Variants in NCKAP1 observed in about 807,000 individuals in gnomAD.
NCKAP1 encodes the protein NCK associated protein 1.
Under a neutral mutation model 151.2 loss-of-function variants are expected in NCKAP1, and 21 were observed. That is an observed-to-expected ratio of 0.14 (90% CI 0.10 to 0.20). The LOEUF (loss-of-function observed/expected upper bound fraction) is 0.20. Ranked by LOEUF, NCKAP1 falls within the 10% of genes least tolerant of loss-of-function variation. The probability of loss-of-function intolerance (pLI) is 1.00; values close to 1 mark genes in which losing one functional copy is unlikely to be tolerated. For synonymous variants in NCKAP1, 484 were observed against 451.8 expected, an observed-to-expected ratio of 1.07 and a Z score of -0.90; for missense variants, 933 against 1,352.1, an observed-to-expected ratio of 0.69 and a Z score of 4.86.
At chr2:182,941,534 T>G (rs2105810946) in intron 24 of NCKAP1, among the ~76,000 whole-genome samples, 1 of 152,352 alleles carries the variant, frequency 6.6e-6, no homozygotes, top group East Asian at 1.9e-4. Context: ...AGTGGTTGTT[T>G]GGCCTGGGGC....
Position 182,982,840 on chromosome 2 carries a change from C to T in NCKAP1, c.1189G>A (p.Ala397Thr). The change falls in exon 12 of 31, where the codon GCA becomes ACA. Residue 397 changes from alanine (A) to threonine (T), a missense_variant. By Grantham distance (58) the Ala-to-Thr change is moderately conservative (BLOSUM62 0). Around this residue, in one of 2 missense-constraint regions of NCKAP1, gnomAD observed 607 missense variants for 795.0 expected, o/e 0.76. Transcript: ENST00000361354. ...ACTTACTTATCTATAAAGTCGTCTG[C>T]ACTCTTCTTTGGCATGTTATCTGCA... is the stretch of plus-strand genomic sequence containing the variant. ...RHADNMPKKS[A>T]DDFIDKHIAE... 1 of 1,608,056 alleles carries T rather than the reference C, an allele frequency of 6.2e-7. No individual in the cohort carries two copies. The highest frequency in any genetic ancestry group is 8.5e-7 in the Non-Finnish European group (1 of 1,177,262).
At chr2:182,992,103 A>T (rs1049579099) in intron 8 of NCKAP1, among the ~76,000 whole-genome samples, 4 of 152,312 alleles carry the variant, frequency 2.6e-5, no homozygotes, top group African/African-American at 9.6e-5. Context: ...CTGCACATCT[A>T]AGAAGTTCCT....
chr2:183,036,143 T>C (rs530234839), intron 1 of NCKAP1, among the ~76,000 whole-genome samples: 25 of 152,318 alleles, frequency 1.6e-4, no homozygotes, highest in Middle Eastern at 6.8e-3. Flanking sequence ...AACAGTGCTT[T>C]TGAGAAAAGG....
At chr2:182,986,728 C>T (rs1698064535) in intron 9 of NCKAP1, among the ~76,000 whole-genome samples, 3 of 151,688 alleles carry the variant, frequency 2.0e-5, no homozygotes, top group Admixed American at 1.3e-4. Flanking sequence ...AAGCATTTGC[C>T]GACTTCAAAT....
intron 2 of NCKAP1, among the ~76,000 whole-genome samples, chr2:183,019,262 CA>C (rs1328086121): frequency 6.6e-6 from 1 of 151,804 alleles, no homozygotes; most frequent in Non-Finnish European, 1.5e-5. Flanking sequence ...AGGCTAATTC[CA>C]TAATAACACT....
At chr2:182,926,571 T>C (rs1429556782) in intron 30 of NCKAP1, among the ~76,000 whole-genome samples, 3 of 151,982 alleles carry the variant, frequency 2.0e-5, no homozygotes, top group Admixed American at 6.6e-5. Context: ...TTCCAACAGG[T>C]TGAAAAACTG....
Position 183,038,101 on chromosome 2 carries a change from G to A in NCKAP1, c.-2C>T, listed in dbSNP as rs1699141785. The A allele has an allele frequency of 1.3e-6, 2 of 1,555,410 alleles. No individual in the cohort carries two copies. Among genetic ancestry groups the A allele is most frequent in the Non-Finnish European group, 8.6e-7 (1 of 1,161,046 alleles). ...GGGCTGCAGCACTGAGCGCGACATG[G>A]TGGTGCTGGTGCCGCCGCCGCCGCC... is the stretch of plus-strand genomic sequence containing the variant. On this transcript the variant is annotated 5_prime_UTR_variant, in exon 1 of 31. Transcript: ENST00000361354.
chr2:183,000,873 G>A (rs1698361929), intron 6 of NCKAP1, among the ~76,000 whole-genome samples: 1 of 152,078 alleles, frequency 6.6e-6, no homozygotes, highest in Non-Finnish European at 1.5e-5. Context: ...TGGGTGGATT[G>A]CCTGAGCTCA....
At chr2:182,995,878 T>C in intron 6 of NCKAP1, 40 bp from the exon 7 acceptor site, 1 of 1,543,740 alleles carries the variant, frequency 6.5e-7, no homozygotes, top group Non-Finnish European at 8.9e-7. Context: ...AATAATTTTC[T>C]TTCCTTTTCT....
chr2:183,015,880 A>T (rs1028895766), intron 2 of NCKAP1, among the ~76,000 whole-genome samples: 2 of 148,008 alleles, frequency 1.4e-5, no homozygotes, highest in Non-Finnish European at 3.0e-5. Context: ...TGAGGATATA[A>T]AAAAAAAAAA....
intron 23 of NCKAP1, among the ~76,000 whole-genome samples, chr2:182,946,344 G>A (rs1306959209): frequency 3.3e-5 from 5 of 152,052 alleles, no homozygotes; most frequent in African/African-American, 7.3e-5. Flanking sequence ...AGCTTGCAGT[G>A]AGCCGAGATC....
At chr2:182,995,425 T>A (rs1484541731) in intron 7 of NCKAP1, among the ~76,000 whole-genome samples, 1 of 152,208 alleles carries the variant, frequency 6.6e-6, no homozygotes. Flanking sequence ...TTTTGCTTTA[T>A]ACTTCAAATT....
rs1438248777 is a variant in NCKAP1 at position 182,917,155 on chromosome 2, G to T, written c.*8547C>A. 6.6e-6 allele frequency: 1 copy of T among 152,134 alleles called. No homozygotes were observed. The highest frequency in any genetic ancestry group is 1.9e-4 in the East Asian group (1 of 5,196). 9.4% of individuals were successfully genotyped at this position (152,134 alleles called of 1,614,324 possible). A position where few individuals can be genotyped will look rare whatever the true frequency, so the allele number is the denominator to read the frequency against. The stretch of plus-strand genomic sequence containing the variant: ...TTAATGCTTACAATAGCCCTTTAAA[G>T]TAGATATTATCCACATTCTACACTT... On this transcript the variant is annotated 3_prime_UTR_variant, in exon 31 of 31. Transcript: ENST00000361354.
At chr2:182,929,998 TTCCTAGA>T (rs1696728363) in intron 27 of NCKAP1, among the ~76,000 whole-genome samples, 1 of 151,956 alleles carries the variant, frequency 6.6e-6, no homozygotes, top group African/African-American at 2.4e-5. Context: ...AGAATACCCT[TTCCTAGA>T]TCTCAATTTT....
chr2:182,998,693 G>A (rs1698319211), intron 6 of NCKAP1, among the ~76,000 whole-genome samples: 1 of 151,840 alleles, frequency 6.6e-6, no homozygotes, highest in Non-Finnish European at 1.5e-5. Flanking sequence ...AGCTGGGCGT[G>A]GTGACAGGCA....
chr2:182,945,530 CA>C (rs1346485462), intron 23 of NCKAP1, among the ~76,000 whole-genome samples: 1 of 152,132 alleles, frequency 6.6e-6, no homozygotes, highest in African/African-American at 2.4e-5. Flanking sequence ...AGAGATATCA[CA>C]ATGTTCTGCT....
chr2:182,945,541 TGAGGA>T (rs769275536), intron 23 of NCKAP1, among the ~76,000 whole-genome samples: 1 of 152,200 alleles, frequency 6.6e-6, no homozygotes, highest in South Asian at 2.1e-4. Flanking sequence ...AATGTTCTGC[TGAGGA>T]GAGTGTGAAC....
chr2:182,982,462 G>C (rs1260618643), intron 12 of NCKAP1, among the ~76,000 whole-genome samples: 1 of 152,152 alleles, frequency 6.6e-6, no homozygotes. Flanking sequence ...TACACATTTA[G>C]TACAAATTGT....
intron 19 of NCKAP1, chr2:182,956,918 T>C (rs552378436): frequency 5.2e-5 from 10 of 191,006 alleles, no homozygotes; most frequent in Non-Finnish European, 9.4e-5. Flanking sequence ...GAAAGTTGTC[T>C]ATAAAAGGGC....
Sources: gnomAD v4.1 joint callset for allele counts (sites outside exome capture counted in the v4.1 genomes callset) on GRCh38, gnomAD v4.1.1 for gene constraint, gnomAD v4.1.1 regional missense constraint, MANE v1.5 for transcripts, NCBI Gene and HGNC (gene_info 2026-07-23, HGNC 2026-07-21) for gene names.